NPIPB2: variants seen among roughly 807,000 people sequenced by gnomAD.
The protein encoded by NPIPB2 is nuclear pore complex interacting protein family member B2, also known as nuclear pore complex-interacting protein family member B2.
NPIPB2 carries 27 observed loss-of-function variants against 30.8 expected under a neutral mutation model. The observed-to-expected ratio is 0.88, with a 90% confidence interval of 0.65 to 1.21. The LOEUF is 1.21. NPIPB2 is among the 50% of genes most tolerant of loss of function. NPIPB2 has a pLI of 0.00. For missense variants in NPIPB2, 440 were observed against 446.2 expected (o/e 0.99, Z 0.13); for synonymous variants, 147 against 162.0 (o/e 0.91, Z 0.70).
upstream of NPIPB2, among the ~76,000 whole-genome samples, chr16:11,942,641 T>G (rs1416566189): frequency 5.9e-5 from 9 of 152,126 alleles, no homozygotes; most frequent in Admixed American, 5.9e-4. Context: ...ATCTGTGCAT[T>G]TCAAGAAACA....
intron 1 of NPIPB2, chr16:11,967,999 C>G (rs975930812): frequency 1.2e-6 from 1 of 863,956 alleles, no homozygotes; most frequent in Non-Finnish European, 1.7e-6. Flanking sequence ...ATATATTTCT[C>G]TAGGTTACTG....
rs148374684 is a variant in NPIPB2, at chr16:11,960,387, C to G, written c.-584+16181G>C. ...TTTTTTTTTTTGAGACAGAGTCTCC[C>G]TCTGTCGCCCACGCTGGAGTGTGCA... On this transcript the variant is annotated intron_variant, in intron 1 of 5. Transcript: ENST00000538896. Among the ~76,000 whole-genome samples the G allele has an allele frequency of 5.6e-3, 827 of 146,792 alleles. 10 individuals carry two copies. Among genetic ancestry groups the G allele is most frequent in the African/African-American group, 0.02 (787 of 39,998 alleles).
chr16:11,945,167 T>C (rs575827032), upstream of NPIPB2, among the ~76,000 whole-genome samples: 209 of 151,314 alleles, frequency 1.4e-3, 2 homozygotes, highest in African/African-American at 4.9e-3. Context: ...GCCTGGGCAA[T>C]AAAAGCAAAA....
At chr16:11,973,947 C>T (rs187523916) in intron 1 of NPIPB2, among the ~76,000 whole-genome samples, 1 of 152,244 alleles carries the variant, frequency 6.6e-6, no homozygotes, top group East Asian at 1.9e-4. Context: ...GTAAACAGTT[C>T]TCTTTGGAAT....
rs549270863 is a variant in NPIPB2 at position 11,933,871 on chromosome 16, T to C, written c.246A>G (p.Thr82=). Residue 82 remains threonine (T), a synonymous_variant, in exon 3 of 8, where the codon ACA becomes ACG. Coordinates refer to ENST00000399147, the Ensembl canonical transcript of NPIPB2. ...ACCTCCTGGCTCTCTGCTGTACATC[T>C]GTGGATACATCATGTCCATTTTCAG... 7.0e-5 allele frequency: 110 copies of C among 1,568,862 alleles called. No individual in the cohort carries two copies. The African/African-American group carries it at 1.3e-3, about 19-fold the overall frequency.
intron 1 of NPIPB2, among the ~76,000 whole-genome samples, chr16:11,948,515 C>T (rs8057578): frequency 3.9e-5 from 6 of 152,106 alleles, no homozygotes; most frequent in Admixed American, 2.0e-4. Context: ...ACCTGTAATC[C>T]CAGCACTTTG....
At chr16:11,953,052 C>G (rs769805872) in intron 1 of NPIPB2, among the ~76,000 whole-genome samples, 1 of 152,150 alleles carries the variant, frequency 6.6e-6, no homozygotes, top group African/African-American at 2.4e-5. Context: ...CGCTTCTGGT[C>G]CCTGTTCAGG....
chr16:11,950,841 T>C (rs531566875), intron 1 of NPIPB2, among the ~76,000 whole-genome samples: 3 of 152,258 alleles, frequency 2.0e-5, no homozygotes, highest in African/African-American at 7.2e-5. Flanking sequence ...CATTAAAACT[T>C]CTTATTTCTC....
At chr16:11,962,335 C>T (rs958920082) in intron 1 of NPIPB2, among the ~76,000 whole-genome samples, 2 of 151,656 alleles carry the variant, frequency 1.3e-5, no homozygotes, top group African/African-American at 4.8e-5. Flanking sequence ...CCTGTCTCTA[C>T]TAAAAATACA....
chr16:11,962,545 G>C (rs1034460557), intron 1 of NPIPB2, among the ~76,000 whole-genome samples: 6 of 149,390 alleles, frequency 4.0e-5, no homozygotes, highest in African/African-American at 1.5e-4. Context: ...CTGGGAGTCG[G>C]AGCTTGCAGT....
chr16:11,960,987 C>T (rs1234138603), intron 1 of NPIPB2, among the ~76,000 whole-genome samples: 1 of 152,002 alleles, frequency 6.6e-6, no homozygotes, highest in Non-Finnish European at 1.5e-5. Flanking sequence ...CTGCCTCAGC[C>T]TCCCAAGTAG....
At chr16:11,939,578 A>G (rs887520573) in intron 1 of NPIPB2, among the ~76,000 whole-genome samples, 1 of 132,282 alleles carries the variant, frequency 7.6e-6, no homozygotes, top group Non-Finnish European at 1.6e-5. Flanking sequence ...AAAAAAAAAA[A>G]AAAATTACCA....
chr16:11,944,410 G>A (rs2054979962), upstream of NPIPB2, among the ~76,000 whole-genome samples: 1 of 151,736 alleles, frequency 6.6e-6, no homozygotes, highest in Non-Finnish European at 1.5e-5. Flanking sequence ...CGTGTGATCT[G>A]CCCACCTCAG....
At chr16:11,959,209 G>A (rs975244953) in intron 1 of NPIPB2, among the ~76,000 whole-genome samples, 1 of 151,972 alleles carries the variant, frequency 6.6e-6, no homozygotes, top group Non-Finnish European at 1.5e-5. Flanking sequence ...GTCACGCAAG[G>A]GCAAACACAG....
chr16:11,937,510 T>C (rs1191728009), intron 2 of NPIPB2, 30 bp downstream of exon 2: 1 of 1,256,374 alleles, frequency 8.0e-7, no homozygotes, highest in East Asian at 2.3e-5. Flanking sequence ...TGATTACAAG[T>C]ATACCTCTAC....
chr16:11,973,654 A>G (rs964999480), intron 1 of NPIPB2, among the ~76,000 whole-genome samples: 3 of 151,738 alleles, frequency 2.0e-5, no homozygotes, highest in Admixed American at 2.0e-4. Context: ...TGCAACTTCT[A>G]CCTCCCGGGT....
intron 1 of NPIPB2, chr16:11,967,024 G>A: frequency 5.2e-6 from 1 of 192,574 alleles, no homozygotes; most frequent in Non-Finnish European, 1.1e-5. Context: ...ATTTAGAGAT[G>A]GAGTCTCGCT....
chr16:11,947,413 C>T (rs954974199), intron 1 of NPIPB2, among the ~76,000 whole-genome samples: 12 of 150,460 alleles, frequency 8.0e-5, no homozygotes, highest in Middle Eastern at 3.2e-3. Flanking sequence ...GGCGCGATCT[C>T]GGCTCACTGC....
At chr16:11,930,520 C>T in exon 5 of NPIPB2, 2 of 1,588,794 alleles carry the variant, frequency 1.3e-6, no homozygotes, top group Non-Finnish European at 1.7e-6. Flanking sequence ...CTCTCCTTTT[C>T]TGCATGCTCA....
Sources: gnomAD v4.1 joint callset for allele counts (sites outside exome capture counted in the v4.1 genomes callset) on GRCh38, gnomAD v4.1.1 for gene constraint, MANE v1.5 for transcripts, NCBI Gene and HGNC (gene_info 2026-07-23, HGNC 2026-07-21) for gene names.